SDK1: variants seen among roughly 807,000 people sequenced by gnomAD.
SDK1 encodes the protein sidekick cell adhesion molecule 1.
In SDK1, 157 loss-of-function variants were observed where a neutral mutation model predicts 245.5. That is an observed-to-expected ratio of 0.64 (90% confidence interval 0.56 to 0.73). The LOEUF (loss-of-function observed/expected upper bound fraction) is 0.73. SDK1 is among the 30% of genes least tolerant of loss of function. The pLI, the probability that SDK1 is intolerant of heterozygous loss-of-function variation, is 0.00. For missense variants in SDK1, 3,583 were observed against 3,002.3 expected, an observed-to-expected ratio of 1.19 and a Z score of -4.52; for synonymous variants, 1,647 against 1,278.5, an observed-to-expected ratio of 1.29 and a Z score of -6.15.
At chr7:3,562,797 A>G (rs1779787760) in intron 1 of SDK1, among the ~76,000 whole-genome samples, 2 of 152,142 alleles carry the variant, frequency 1.3e-5, no homozygotes. Flanking sequence ...TGAGGATATA[A>G]GAAGTATCTT....
At chr7:3,896,353 C>G (rs548626495) in intron 5 of SDK1, among the ~76,000 whole-genome samples, 3 of 152,216 alleles carry the variant, frequency 2.0e-5, no homozygotes, top group African/African-American at 7.2e-5. Flanking sequence ...GGAGCACACC[C>G]TCTTCCTGGC....
chr7:4,190,414 A>C (rs1287691180), intron 35 of SDK1, among the ~76,000 whole-genome samples: 2 of 152,190 alleles, frequency 1.3e-5, no homozygotes, highest in East Asian at 3.9e-4. Context: ...CTGGGTGGGA[A>C]CCGTTGCTCC....
intron 1 of SDK1, among the ~76,000 whole-genome samples, chr7:3,505,036 C>T (rs150344443): frequency 6.4e-4 from 98 of 152,268 alleles, no homozygotes; most frequent in African/African-American, 2.3e-3. Context: ...TGTTTCATTT[C>T]ATTCTTTTTC....
intron 17 of SDK1, among the ~76,000 whole-genome samples, chr7:4,048,979 G>C (rs1183075653): frequency 6.6e-6 from 1 of 152,094 alleles, no homozygotes; most frequent in Non-Finnish European, 1.5e-5. Flanking sequence ...TATATATTGA[G>C]GGAGGATTTC....
intron 5 of SDK1, among the ~76,000 whole-genome samples, chr7:3,941,753 G>C (rs911190027): frequency 2.0e-5 from 3 of 152,140 alleles, no homozygotes; most frequent in Non-Finnish European, 4.4e-5. Flanking sequence ...GAACCTCTTT[G>C]ACGAAGTGGA....
intron 4 of SDK1, among the ~76,000 whole-genome samples, chr7:3,653,849 T>C (rs1783079701): frequency 6.6e-6 from 1 of 152,166 alleles, no homozygotes; most frequent in African/African-American, 2.4e-5. Flanking sequence ...TTCTGCTCTG[T>C]TGCACTTCAG....
At chr7:3,372,380 G>T (rs1192050329) in intron 1 of SDK1, among the ~76,000 whole-genome samples, 1 of 152,100 alleles carries the variant, frequency 6.6e-6, no homozygotes, top group Non-Finnish European at 1.5e-5. Context: ...AAAAATCCAG[G>T]GCTAGGCAAA....
At chr7:3,986,198 CT>C (rs34977344) in intron 13 of SDK1, among the ~76,000 whole-genome samples, 69,347 of 149,010 alleles carry the variant, frequency 0.47, 17,450 homozygotes, top group South Asian at 0.65. Context: ...CCAGTAAAAA[CT>C]TTTTTTTTTT....
intron 13 of SDK1, among the ~76,000 whole-genome samples, chr7:3,977,966 C>G (rs1193062272): frequency 6.6e-6 from 1 of 152,188 alleles, no homozygotes; most frequent in Non-Finnish European, 1.5e-5. Flanking sequence ...CCTGGTTTCC[C>G]CACCATGGGT....
intron 30 of SDK1, among the ~76,000 whole-genome samples, chr7:4,155,705 A>G (rs763686844): frequency 7.9e-5 from 12 of 152,084 alleles, no homozygotes; most frequent in Middle Eastern, 3.2e-3. Context: ...CTCATAGGCA[A>G]CCCCCCACCC....
intron 1 of SDK1, among the ~76,000 whole-genome samples, chr7:3,481,686 C>T (rs1419923808): frequency 6.6e-6 from 1 of 152,262 alleles, no homozygotes; most frequent in African/African-American, 2.4e-5. Context: ...GTCAGGGACC[C>T]TGTCCACTCT....
intron 17 of SDK1, among the ~76,000 whole-genome samples, chr7:4,038,344 A>G (rs574843403): frequency 6.7e-4 from 102 of 152,248 alleles, no homozygotes; most frequent in Non-Finnish European, 1.1e-3. Context: ...CTTCACGCCC[A>G]GAGTCTATGA....
chr7:3,449,831 G>A (rs1377960207), intron 1 of SDK1, among the ~76,000 whole-genome samples: 1 of 152,232 alleles, frequency 6.6e-6, no homozygotes, highest in East Asian at 1.9e-4. Context: ...TAAAGATGAA[G>A]GGTGTAGTCT....
chr7:3,354,464 C>G, intron 1 of SDK1, among the ~76,000 whole-genome samples: 1 of 152,022 alleles, frequency 6.6e-6, no homozygotes, highest in East Asian at 1.9e-4. Flanking sequence ...AATGATTATT[C>G]GAGAGTTTTC....
At chr7:3,761,246 T>A (rs1312760667) in intron 4 of SDK1, among the ~76,000 whole-genome samples, 2 of 145,428 alleles carry the variant, frequency 1.4e-5, no homozygotes, top group Non-Finnish European at 3.0e-5. Context: ...TTTTTTTTTA[T>A]CAAGCCCCCC....
intron 4 of SDK1, among the ~76,000 whole-genome samples, chr7:3,781,489 G>A (rs888399942): frequency 2.0e-5 from 3 of 152,256 alleles, no homozygotes; most frequent in East Asian, 1.9e-4. Flanking sequence ...CTTCTCAAAT[G>A]TGCAGATAAC....
At chr7:3,516,225 T>C (rs945422648) in intron 1 of SDK1, among the ~76,000 whole-genome samples, 4 of 151,816 alleles carry the variant, frequency 2.6e-5, no homozygotes, top group African/African-American at 4.8e-5. Context: ...ATAGAGGTTA[T>C]ATATTATGTG....
intron 5 of SDK1, among the ~76,000 whole-genome samples, chr7:3,943,308 C>T (rs951321112): frequency 9.6e-5 from 7 of 72,838 alleles, no homozygotes; most frequent in South Asian, 1.1e-3. Flanking sequence ...GGCCGGACTT[C>T]CCGCCTTCCC....
chr7:3,485,304 T>C (rs1350584562), intron 1 of SDK1, among the ~76,000 whole-genome samples: 1 of 152,206 alleles, frequency 6.6e-6, no homozygotes, highest in African/African-American at 2.4e-5. Flanking sequence ...AGGTCTTCTT[T>C]TGAGAAATGT....
Sources: gnomAD v4.1 joint callset for allele counts (sites outside exome capture counted in the v4.1 genomes callset) on GRCh38, gnomAD v4.1.1 for gene constraint, MANE v1.5 for transcripts, NCBI Gene and HGNC (gene_info 2026-07-23, HGNC 2026-07-21) for gene names.